The following TNR variants were observed in gnomAD, a reference collection of about 807,000 sequenced individuals.
TNR encodes the protein tenascin R, also known as tenascin-R.
TNR carries 45 observed loss-of-function variants against 150.4 expected under a neutral mutation model. That is an observed-to-expected ratio of 0.30 (90% CI 0.24 to 0.38). The LOEUF (loss-of-function observed/expected upper bound fraction) is 0.38, where lower values mean the gene tolerates loss of function less well. Among genes scored for constraint, TNR ranks in the 10% least tolerant of loss-of-function variants. The pLI is 1.00. For synonymous variants in TNR, 687 were observed against 678.4 expected, an observed-to-expected ratio of 1.01 and a Z score of -0.20; for missense variants, 1,544 against 1,759.1, an observed-to-expected ratio of 0.88 and a Z score of 2.19.
intron 9 of TNR, among the ~76,000 whole-genome samples, chr1:175,371,863 A>G (rs1652120230): frequency 6.6e-6 from 1 of 152,192 alleles, no homozygotes; most frequent in Non-Finnish European, 1.5e-5. Flanking sequence ...GCCAGGAGGA[A>G]GGAGTGGAGT....
At chr1:175,417,063 G>GAAAT (rs1301551880) in intron 2 of TNR, among the ~76,000 whole-genome samples, 182 of 131,274 alleles carry the variant, frequency 1.4e-3, no homozygotes, top group African/African-American at 3.9e-3. Context: ...AAGAAAGAAA[G>GAAAT]AAAGAAAGAA....
intron 1 of TNR, among the ~76,000 whole-genome samples, chr1:175,576,611 C>T (rs1662119314): frequency 6.6e-6 from 1 of 152,090 alleles, no homozygotes; most frequent in Non-Finnish European, 1.5e-5. Flanking sequence ...ATGATCTTTC[C>T]CCACCTCCAT....
intron 2 of TNR, among the ~76,000 whole-genome samples, chr1:175,486,302 T>G (rs1277258980): frequency 6.6e-6 from 1 of 151,774 alleles, no homozygotes; most frequent in Non-Finnish European, 1.5e-5. Context: ...AGGCCCTGTT[T>G]GTGTGATGTT....
At chr1:175,741,551 G>T (rs1264572649) in intron 1 of TNR, among the ~76,000 whole-genome samples, 2 of 152,110 alleles carry the variant, frequency 1.3e-5, no homozygotes, top group Non-Finnish European at 2.9e-5. Context: ...AGTCAGTGTT[G>T]GTTTCTGATG....
intron 8 of TNR, among the ~76,000 whole-genome samples, chr1:175,380,771 T>TGCAA (rs1342849544): frequency 1.3e-5 from 2 of 152,182 alleles, no homozygotes; most frequent in Non-Finnish European, 2.9e-5. Context: ...CAACTTGCAG[T>TGCAA]GCAATAACGT....
At chr1:175,546,598 C>A (rs753609503) in intron 1 of TNR, among the ~76,000 whole-genome samples, 24 of 152,278 alleles carry the variant, frequency 1.6e-4, no homozygotes, top group South Asian at 1.5e-3. Flanking sequence ...ATCACATAAC[C>A]AAGTACCCAA....
chr1:175,454,814 T>C (rs1656493843), intron 2 of TNR, among the ~76,000 whole-genome samples: 1 of 152,176 alleles, frequency 6.6e-6, no homozygotes, highest in South Asian at 2.1e-4. Context: ...ACAAGTATCT[T>C]ACACTCTCTG....
chr1:175,481,428 G>A (rs954886755), intron 2 of TNR, among the ~76,000 whole-genome samples: 11 of 152,290 alleles, frequency 7.2e-5, no homozygotes, highest in African/African-American at 2.6e-4. Flanking sequence ...ATGAGTTCCA[G>A]TGTGCTCCCT....
In TNR at chr1:175,405,618, A is replaced by AGT. The variant is rs60670165; in HGVS notation, c.499+596_499+597dup. Among the ~76,000 whole-genome samples, 509 of 150,184 alleles carry AGT rather than the reference A, an allele frequency of 3.4e-3. 3 individuals are homozygous for AGT. The highest frequency in any genetic ancestry group is 0.01 in the South Asian group (48 of 4,680). The stretch of plus-strand genomic sequence containing the variant: ...GAGAGAGAGAGTATGTGTGTGTGAG[A>AGT]GTGTGTGTGTGTGTGTGTGTGTGTG... On this transcript the variant is annotated intron_variant, in intron 3 of 22. Transcript: ENST00000367674.
intron 2 of TNR, among the ~76,000 whole-genome samples, chr1:175,422,836 A>G (rs1007447044): frequency 2.6e-5 from 4 of 152,208 alleles, no homozygotes; most frequent in African/African-American, 9.7e-5. Context: ...TCATAGGTGC[A>G]CCTGCTTCTC....
At chr1:175,521,560 C>T (rs537166809) in intron 2 of TNR, among the ~76,000 whole-genome samples, 13 of 152,338 alleles carry the variant, frequency 8.5e-5, no homozygotes, top group African/African-American at 3.1e-4. Context: ...GCACAGGTGC[C>T]CAGGGAGATG....
chr1:175,562,684 T>C (rs896894139), intron 1 of TNR, among the ~76,000 whole-genome samples: 3 of 152,172 alleles, frequency 2.0e-5, no homozygotes, highest in Non-Finnish European at 4.4e-5. Context: ...GGAGAGCTAC[T>C]GGGGCTCAGT....
At chr1:175,648,177 C>A (rs1407028816) in intron 1 of TNR, among the ~76,000 whole-genome samples, 3 of 152,146 alleles carry the variant, frequency 2.0e-5, no homozygotes, top group African/African-American at 7.2e-5. Flanking sequence ...GTTTAGCTGT[C>A]ACCGTCCCTA....
intron 1 of TNR, among the ~76,000 whole-genome samples, chr1:175,639,940 C>G (rs1160053262): frequency 6.6e-6 from 1 of 152,206 alleles, no homozygotes; most frequent in Non-Finnish European, 1.5e-5. Flanking sequence ...TTTTTCTCTG[C>G]AGAACCTGAC....
At chr1:175,493,500 G>A (rs961183259) in intron 2 of TNR, among the ~76,000 whole-genome samples, 10 of 152,170 alleles carry the variant, frequency 6.6e-5, no homozygotes, top group African/African-American at 2.2e-4. Flanking sequence ...AGCTGGCTCC[G>A]CCCCACGCTC....
At chr1:175,516,384 G>A (rs1422510968) in intron 2 of TNR, among the ~76,000 whole-genome samples, 1 of 152,182 alleles carries the variant, frequency 6.6e-6, no homozygotes, top group Non-Finnish European at 1.5e-5. Context: ...ATGACAGCGT[G>A]GCCCAGGAGG....
At chr1:175,586,654 A>G (rs974738221) in intron 1 of TNR, among the ~76,000 whole-genome samples, 2 of 152,170 alleles carry the variant, frequency 1.3e-5, no homozygotes, top group Admixed American at 1.3e-4. Context: ...CTGTCAGTGT[A>G]TAGGTGGCCC....
intron 2 of TNR, among the ~76,000 whole-genome samples, chr1:175,525,564 C>T (rs1659814530): frequency 6.6e-6 from 1 of 152,200 alleles, no homozygotes; most frequent in African/African-American, 2.4e-5. Flanking sequence ...TTCCTGAAAT[C>T]TGGGGTGAGT....
chr1:175,406,106 T>C (rs1653946139), intron 3 of TNR, 110 bp downstream of exon 3: 2 of 1,433,328 alleles, frequency 1.4e-6, no homozygotes, highest in South Asian at 1.4e-5. Context: ...GGGGTTTTGC[T>C]GGGAGTGCGT....
Sources: gnomAD v4.1 joint callset for allele counts (sites outside exome capture counted in the v4.1 genomes callset) on GRCh38, gnomAD v4.1.1 for gene constraint, MANE v1.5 for transcripts, NCBI Gene and HGNC (gene_info 2026-07-23, HGNC 2026-07-21) for gene names.